CRHBP: variants seen among roughly 807,000 people sequenced by gnomAD.
CRHBP encodes the protein corticotropin-releasing hormone-binding protein.
In CRHBP, 19 loss-of-function variants were observed where a neutral mutation model predicts 34.9. The observed-to-expected ratio is 0.55, with a 90% CI of 0.38 to 0.80. CRHBP has a LOEUF of 0.80. Among genes scored for constraint, CRHBP ranks in the 30% least tolerant of loss-of-function variants. The pLI, the probability that CRHBP is intolerant of heterozygous loss-of-function variation, is 0.00. For missense variants in CRHBP, 328 were observed against 409.2 expected (o/e 0.80, Z 1.71); for synonymous variants, 154 against 153.4 (o/e 1.00, Z -0.03).
intron 2 of CRHBP, among the ~76,000 whole-genome samples, chr5:76,975,920 A>G (rs1265974164): frequency 7.7e-5 from 8 of 104,134 alleles, no homozygotes; most frequent in African/African-American, 3.7e-4. Flanking sequence ...ATATATGTGT[A>G]TATATATGTG....
At chr5:76,968,484 T>G (rs548273690) in intron 6 of CRHBP, among the ~76,000 whole-genome samples, 60 of 152,332 alleles carry the variant, frequency 3.9e-4, no homozygotes, top group Non-Finnish European at 7.1e-4. Flanking sequence ...TAGTTTTATT[T>G]TTTAATAGTG....
intron 6 of CRHBP, among the ~76,000 whole-genome samples, chr5:76,964,296 G>T (rs190743994): frequency 0.017 from 2,606 of 152,286 alleles, 75 homozygotes; most frequent in African/African-American, 0.058. Context: ...AAGAACAGCA[G>T]TCTCTAATCT....
At chr5:76,971,281 A>G (rs961427309), downstream of CRHBP, among the ~76,000 whole-genome samples, 10 of 152,208 alleles carry the variant, frequency 6.6e-5, no homozygotes, top group Admixed American at 5.9e-4. Context: ...TGGGTAATTT[A>G]CAGTACCTTT....
chr5:76,974,306 G>A (rs574699036), downstream of CRHBP, among the ~76,000 whole-genome samples: 4 of 149,950 alleles, frequency 2.7e-5, no homozygotes, highest in African/African-American at 9.8e-5. Flanking sequence ...CGTGAGCCAC[G>A]GTGCCCGGCC....
At chr5:76,978,561 A>G (rs1017800763) in intron 3 of CRHBP, among the ~76,000 whole-genome samples, 9 of 152,208 alleles carry the variant, frequency 5.9e-5, no homozygotes, top group African/African-American at 2.2e-4. Flanking sequence ...TCAAAATATT[A>G]CTGCTCATTG....
Position 76,968,719 on chromosome 5 carries a change from C to G in CRHBP, c.812-9C>G. 6.3e-7 allele frequency: 1 copy of G among 1,595,558 alleles called. No homozygotes were observed. Among genetic ancestry groups the G allele is most frequent in the Non-Finnish European group, 8.6e-7 (1 of 1,168,254 alleles). ...GCTGGGAAACTTTTATCTTTTCCAT[C>G]CATTATAGCCCAGATGAAAGTTGGC... On this transcript the variant is annotated splice_polypyrimidine_tract_variant and intron_variant, in intron 6 of 6. Coordinates refer to ENST00000274368, the MANE Select transcript of CRHBP (RefSeq NM_001882.4).
intron 5 of CRHBP, among the ~76,000 whole-genome samples, chr5:76,961,268 T>C (rs1028174287): frequency 6.6e-6 from 1 of 152,190 alleles, no homozygotes; most frequent in African/African-American, 2.4e-5. Flanking sequence ...TAAGTGCACT[T>C]AACTTTCTTG....
rs1382379813 is a variant in CRHBP, at chr5:76,955,674, A to G, written c.355A>G (p.Lys119Glu). 1 of 1,613,862 alleles carries G rather than the reference A, an allele frequency of 6.2e-7. No homozygotes were observed. Among genetic ancestry groups the G allele is most frequent in the Non-Finnish European group, 8.5e-7 (1 of 1,179,910 alleles). The change falls in exon 4 of 7, where the codon AAG becomes GAG. Residue 119 changes from lysine to glutamate, a missense_variant. Transcript: ENST00000274368. ...FLKVFDGWIL[K>E]GEKFPSSQDH... ...AAAGGTATTTGATGGTTGGATTCTC[A>G]AGGGGGAGAAGTTCCCCAGTTCCCA...
At chr5:76,962,566 G>A (rs114453308) in intron 5 of CRHBP, among the ~76,000 whole-genome samples, 2,802 of 151,144 alleles carry the variant, frequency 0.019, 101 homozygotes, top group African/African-American at 0.063. Flanking sequence ...ATCCCTTGAG[G>A]TTAGGAGTTC....
chr5:76,968,249 A>G (rs1745891149), intron 6 of CRHBP, among the ~76,000 whole-genome samples: 1 of 141,882 alleles, frequency 7.0e-6, no homozygotes, highest in Admixed American at 7.5e-5. Flanking sequence ...AGTACATTCC[A>G]TCCTCTAGCC....
At chr5:76,955,974 A>AT (rs1187331716) in intron 4 of CRHBP, 111 bp downstream of exon 4, 4 of 915,812 alleles carry the variant, frequency 4.4e-6, no homozygotes, top group African/African-American at 1.7e-5. Context: ...TTGAATGGAA[A>AT]TTTTTTTGTA....
At chr5:76,973,866 C>T (rs887340135), downstream of CRHBP, among the ~76,000 whole-genome samples, 7 of 151,916 alleles carry the variant, frequency 4.6e-5, no homozygotes, top group African/African-American at 1.5e-4. Context: ...GTGTAGGGCG[C>T]GATCTCAGCT....
chr5:76,979,357 A>G (rs1482716679), intron 3 of CRHBP, among the ~76,000 whole-genome samples: 3 of 151,020 alleles, frequency 2.0e-5, no homozygotes, highest in Non-Finnish European at 4.4e-5. Flanking sequence ...GGCCAACAAT[A>G]AAGTTTTTTT....
At position 76,953,134 on chromosome 5, in the gene CRHBP, C is replaced by T. The variant is rs1745595742; in HGVS notation, c.-1C>T. 1 of 1,614,198 alleles carries T rather than the reference C, an allele frequency of 6.2e-7. No individual in the cohort carries two copies. The highest frequency in any genetic ancestry group is 1.1e-5 in the South Asian group (1 of 91,086). On this transcript the variant is annotated 5_prime_UTR_variant, in exon 1 of 7. Coordinates refer to ENST00000274368, the MANE Select transcript of CRHBP (RefSeq NM_001882.4). ...ACAGCAGCTGCAGAGGCAAGGCCAG[C>T]ATGTCGCCCAACTTCAAACTTCAGT...
At position 76,966,712 on chromosome 5, in the gene CRHBP, C is replaced by T. The variant is rs1580096359; in HGVS notation, c.812-2016C>T. 3.9e-5 allele frequency among the ~76,000 whole-genome samples: 6 copies of T among 152,234 alleles called. 1 individual carries two copies. The South Asian group carries it at 1.2e-3, about 32-fold the overall frequency. ...ATTCAGCATGAATTGACCTTAAGTT[C>T]CCTGCCTCCAGACCCTATTCTCCTG... On this transcript the variant is annotated intron_variant, in intron 6 of 6. Transcript: ENST00000274368.
At chr5:76,977,429 AT>A (rs1373599129) in intron 3 of CRHBP, among the ~76,000 whole-genome samples, 1 of 152,150 alleles carries the variant, frequency 6.6e-6, no homozygotes, top group Non-Finnish European at 1.5e-5. Context: ...TCTGTGTCAC[AT>A]TTTGGTAATT....
chr5:76,969,040 C>G lies in CRHBP; in HGVS notation c.*155C>G, dbSNP rs569150449. 1.3e-5 allele frequency: 9 copies of G among 700,958 alleles called. No individual in the cohort carries two copies. The highest frequency in any genetic ancestry group is 1.9e-5 in the African/African-American group (1 of 53,862). The allele number at this position is 700,958 out of a possible 1,614,324, so 43.4% of individuals were successfully genotyped here. A position where few individuals can be genotyped will look rare whatever the true frequency, so the allele number is the denominator to read the frequency against. On this transcript the variant is annotated 3_prime_UTR_variant, in exon 7 of 7. Coordinates refer to ENST00000274368, the MANE Select transcript of CRHBP (RefSeq NM_001882.4). ...GCACACACACACACACATACACACA[C>G]GCATTAATTTTTGTACTTTGCTTCT...
At chr5:76,962,327 G>T (rs1745790475) in intron 5 of CRHBP, among the ~76,000 whole-genome samples, 1 of 152,142 alleles carries the variant, frequency 6.6e-6, no homozygotes, top group African/African-American at 2.4e-5. Context: ...CAAGCATAGA[G>T]CCCTTCTAGG....
intron 4 of CRHBP, among the ~76,000 whole-genome samples, chr5:76,956,954 GC>G (rs981365855): frequency 6.6e-6 from 1 of 151,986 alleles, no homozygotes; most frequent in Non-Finnish European, 1.5e-5. Context: ...TTTTGAAAAA[GC>G]CCCCCAAAAA....
Sources: gnomAD v4.1 joint callset for allele counts (sites outside exome capture counted in the v4.1 genomes callset) on GRCh38, gnomAD v4.1.1 for gene constraint, MANE v1.5 for transcripts, NCBI Gene and HGNC (gene_info 2026-07-23, HGNC 2026-07-21) for gene names.